The following CCS variants were observed in gnomAD, a reference collection of about 807,000 sequenced individuals.
CCS encodes the protein superoxide dismutase copper chaperone.
CCS carries 32 observed loss-of-function variants against 35.5 expected under a neutral mutation model. The ratio of observed to expected loss-of-function variants is 0.90; its 90% CI spans 0.68 to 1.21. CCS has a LOEUF of 1.21. CCS is among the 50% of genes most tolerant of loss of function. CCS has a pLI of 0.00. For missense variants in CCS, 342 were observed against 375.4 expected (o/e 0.91, Z 0.73); for synonymous variants, 130 against 147.2 (o/e 0.88, Z 0.84).
chr11:66,603,765 G>C (rs1026387283), intron 5 of CCS, among the ~76,000 whole-genome samples: 1 of 152,178 alleles, frequency 6.6e-6, no homozygotes, highest in Admixed American at 6.5e-5. Flanking sequence ...AGAATAGCGT[G>C]AACCTGGGAG....
intron 2 of CCS, among the ~76,000 whole-genome samples, chr11:66,597,098 C>T (rs890297209): frequency 4.6e-5 from 7 of 152,150 alleles, no homozygotes; most frequent in Non-Finnish European, 7.3e-5. Flanking sequence ...CCGTCCATGC[C>T]CAGTAAGTGT....
Position 66,599,519 on chromosome 11 carries a change from G to A in CCS, c.311G>A (p.Arg104His), listed in dbSNP as rs375835478. The A allele has an allele frequency of 1.5e-5, 24 of 1,585,972 alleles. No homozygotes were observed. The highest frequency in any genetic ancestry group is 2.7e-5 in the African/African-American group (2 of 73,290). The change falls in exon 4 of 8, where the codon CGC becomes CAC. Residue 104 changes from arginine (R) to histidine (H), a missense_variant. Coordinates refer to ENST00000533244, the MANE Select transcript of CCS (RefSeq NM_005125.2). Reference sequence around the variant, plus strand: ...CCTGGCACCGTGCAGGGGGTGGTGCGCTTCCTACAGCTGACCCCTGAGCGC... The same window carrying A: ...CCTGGCACCGTGCAGGGGGTGGTGCACTTCCTACAGCTGACCCCTGAGCGC... ...GGPGTVQGVV[R>H]FLQLTPERCL...
At chr11:66,593,612 A>G (rs1858421152) in intron 1 of CCS, 30 bp from the exon 2 acceptor site, 1 of 1,610,566 alleles carries the variant, frequency 6.2e-7, no homozygotes, top group Non-Finnish European at 8.5e-7. Flanking sequence ...TTCCCCAGCG[A>G]TCATCGGTTG....
rs770444909 is a variant in CCS at position 66,605,695 on chromosome 11, T to G, written c.672-7T>G. On this transcript the variant is annotated splice_region_variant and splice_polypyrimidine_tract_variant and intron_variant, in intron 7 of 7. Transcript: ENST00000533244. ...GTACCCACCCCTGACCACACATTCT[T>G]CTGCAGGTTGGCCTGTGGCATCATT... 1.9e-6 allele frequency: 3 copies of G among 1,577,368 alleles called. No homozygotes were observed. In the African/African-American group the frequency reaches 4.1e-5, roughly 21 times the overall value.
rs565700050 is a variant in CCS, at chr11:66,599,243, C to T, written c.240C>T (p.Ser80=). 1.7e-5 allele frequency: 27 copies of T among 1,601,674 alleles called. No individual in the cohort carries two copies. The highest frequency in any genetic ancestry group is 1.5e-4 in the African/African-American group (11 of 74,460). ...GRQAVLKGMG[S]GQLQNLGAAV... is the part of the protein sequence containing the mutation. ...AGGCGGTACTCAAGGGCATGGGCAG[C>T]GGCCAGTTGCGTGAGTGACCACTGT... is the stretch of plus-strand genomic sequence containing the variant. The change falls in exon 3 of 8, where the codon AGC becomes AGT. Residue 80 remains serine, a synonymous_variant. Coordinates refer to ENST00000533244, the MANE Select transcript of CCS (RefSeq NM_005125.2).
intron 2 of CCS, among the ~76,000 whole-genome samples, chr11:66,595,178 G>C: frequency 6.6e-6 from 1 of 152,156 alleles, no homozygotes; most frequent in East Asian, 1.9e-4. Context: ...GAGTAACCGA[G>C]TTAATACAAA....
chr11:66,594,916 C>G (rs1858450885), intron 2 of CCS, among the ~76,000 whole-genome samples: 2 of 152,140 alleles, frequency 1.3e-5, no homozygotes, highest in Admixed American at 1.3e-4. Context: ...CAAGCGTTGC[C>G]TGGATGGCAT....
chr11:66,603,706 C>T (rs182086218), intron 5 of CCS, among the ~76,000 whole-genome samples: 1,898 of 152,222 alleles, frequency 0.012, 38 homozygotes, highest in African/African-American at 0.043. Context: ...ATTAGCCAGG[C>T]GTGGTGGCGG....
At chr11:66,594,637 G>A (rs962339815) in intron 2 of CCS, among the ~76,000 whole-genome samples, 1 of 152,144 alleles carries the variant, frequency 6.6e-6, no homozygotes, top group East Asian at 1.9e-4. Context: ...TTAGCTGGGC[G>A]TCATGGTGCA....
Position 66,605,833 on chromosome 11 carries a change from C to A in CCS, c.803C>A (p.Ala268Glu). ...GCTGGCAAGGGCCGAAAGGAGTCAG[C>A]GCAGCCCCCTGCCCACCTTTGAGCA... ...PIAGKGRKES[A>E]QPPAHL The change falls in exon 8 of 8, where the codon GCG becomes GAG. Residue 268 changes from alanine (A) to glutamate (E), a missense_variant. Coordinates refer to ENST00000533244, the MANE Select transcript of CCS (RefSeq NM_005125.2). 6.4e-7 allele frequency: 1 copy of A among 1,567,002 alleles called. No homozygotes were observed. Among genetic ancestry groups the A allele is most frequent in the Non-Finnish European group, 8.6e-7 (1 of 1,156,846 alleles).
intron 2 of CCS, among the ~76,000 whole-genome samples, chr11:66,598,076 T>C (rs1590829060): frequency 6.7e-6 from 1 of 149,732 alleles, no homozygotes; most frequent in Non-Finnish European, 1.5e-5. Flanking sequence ...ACAGCGAGAC[T>C]CTGTCTCAAA....
chr11:66,603,125 G>A (rs1280616175), intron 5 of CCS, among the ~76,000 whole-genome samples: 1 of 152,200 alleles, frequency 6.6e-6, no homozygotes, highest in Admixed American at 6.5e-5. Context: ...AGTACAAGCT[G>A]GGCCTAGCTT....
At chr11:66,597,095 T>C (rs929404576) in intron 2 of CCS, among the ~76,000 whole-genome samples, 8 of 152,244 alleles carry the variant, frequency 5.3e-5, no homozygotes, top group Non-Finnish European at 2.9e-5. Flanking sequence ...TCACCGTCCA[T>C]GCCCAGTAAG....
intron 3 of CCS, 82 bp from the exon 4 acceptor site, chr11:66,599,377 G>A: frequency 2.7e-6 from 4 of 1,491,980 alleles, no homozygotes; most frequent in Non-Finnish European, 3.6e-6. Flanking sequence ...AAAATTATGT[G>A]AGACTCCCTG....
In CCS at chr11:66,599,492, G is replaced by A. The variant is rs185900251; in HGVS notation, c.284G>A (p.Gly95Glu). 3.2e-6 allele frequency: 5 copies of A among 1,552,948 alleles called. No homozygotes were observed. The South Asian group carries it at 3.6e-5, about 11-fold the overall frequency. Reference protein sequence around the residue: ...NLGAAVAILGGPGTVQGVVRF... With the variant: ...NLGAAVAILGEPGTVQGVVRF... ...GGGGCAGCAGTGGCCATCCTGGGGG[G>A]GCCTGGCACCGTGCAGGGGGTGGTG... is the stretch of plus-strand genomic sequence containing the variant. The change falls in exon 4 of 8, where the codon GGG (glycine) becomes GAG (glutamate). Residue 95 changes from glycine (G) to glutamate (E), a missense_variant. Coordinates refer to ENST00000533244, the MANE Select transcript of CCS (RefSeq NM_005125.2).
Position 66,599,187 on chromosome 11 carries a change from G to C in CCS, c.184G>C (p.Val62Leu). 6.2e-7 allele frequency: 1 copy of C among 1,613,990 alleles called. No individual in the cohort carries two copies. Among genetic ancestry groups the C allele is most frequent in the Non-Finnish European group, 8.5e-7 (1 of 1,179,954 alleles). Residue 62 changes from valine (V) to leucine (L), a missense_variant, in exon 3 of 8, where the codon GTG becomes CTG. Val to Leu is a conservative substitution (Grantham distance 32, BLOSUM62 1). Transcript: ENST00000533244. ...ACACACCACTCTACCCAGCCAGGAG[G>C]TGCAGGCTCTCCTGGAAGGCACGGG... Reference protein sequence around the residue: ...LVHTTLPSQEVQALLEGTGRQ... With the variant: ...LVHTTLPSQELQALLEGTGRQ...
intron 2 of CCS, among the ~76,000 whole-genome samples, chr11:66,597,915 C>T (rs974579634): frequency 3.3e-5 from 5 of 151,204 alleles, no homozygotes; most frequent in African/African-American, 1.2e-4. Flanking sequence ...AGCGAGACTC[C>T]ATCTTGAAAA....
chr11:66,594,636 C>T (rs1015156164), intron 2 of CCS, among the ~76,000 whole-genome samples: 5 of 152,038 alleles, frequency 3.3e-5, no homozygotes, highest in East Asian at 1.9e-4. Flanking sequence ...ATTAGCTGGG[C>T]GTCATGGTGC....
chr11:66,595,249 GAGA>G (rs1189342199), intron 2 of CCS, among the ~76,000 whole-genome samples: 1 of 152,202 alleles, frequency 6.6e-6, no homozygotes, highest in Admixed American at 6.5e-5. Context: ...AGGGGATTAT[GAGA>G]AGAAGGGCTT....
Sources: allele counts gnomAD v4.1 joint callset (sites outside exome capture counted in the v4.1 genomes callset), GRCh38; gene constraint gnomAD v4.1.1; transcripts MANE v1.5; gene names NCBI Gene and HGNC (gene_info 2026-07-23, HGNC 2026-07-21).